The following MYO3B variants were observed in gnomAD, a reference collection of about 807,000 sequenced individuals.
MYO3B encodes myosin-IIIb.
A neutral mutation model predicts 174.6 loss-of-function variants in MYO3B; 156 were observed. The ratio of observed to expected loss-of-function variants is 0.89; its 90% confidence interval spans 0.78 to 1.02. MYO3B has a LOEUF of 1.02. Ranked by LOEUF, MYO3B falls within the 50% of genes least tolerant of loss-of-function variation. The pLI, the probability that MYO3B is intolerant of heterozygous loss-of-function variation, is 0.00. For missense variants in MYO3B, 1,632 were observed against 1,639.4 expected (o/e 1.00, Z 0.08); for synonymous variants, 563 against 569.1 (o/e 0.99, Z 0.15).
At chr2:170,530,689 G>A (rs1239327005) in intron 30 of MYO3B, among the ~76,000 whole-genome samples, 2 of 152,182 alleles carry the variant, frequency 1.3e-5, no homozygotes, top group Non-Finnish European at 2.9e-5. Flanking sequence ...GGGAGAGCAA[G>A]GATGTTATTC....
chr2:170,260,213 G>A (rs2093335150), intron 7 of MYO3B, among the ~76,000 whole-genome samples: 1 of 152,074 alleles, frequency 6.6e-6, no homozygotes, highest in Non-Finnish European at 1.5e-5. Context: ...CCCATTACTG[G>A]GTATATGCCC....
intron 6 of MYO3B, among the ~76,000 whole-genome samples, chr2:170,222,030 C>CGT (rs2092906647): frequency 6.6e-6 from 1 of 152,160 alleles, no homozygotes; most frequent in Non-Finnish European, 1.5e-5. Flanking sequence ...TTAAGTTTCT[C>CGT]GTATAATAAG....
intron 16 of MYO3B, among the ~76,000 whole-genome samples, chr2:170,399,269 G>C (rs59295288): frequency 1.9e-5 from 1 of 53,144 alleles, no homozygotes; most frequent in Non-Finnish European, 4.0e-5. Flanking sequence ...AAAAAAAAGA[G>C]AGAGACCAGT....
At chr2:170,623,824 A>G (rs1439573613) in intron 32 of MYO3B, among the ~76,000 whole-genome samples, 1 of 152,242 alleles carries the variant, frequency 6.6e-6, no homozygotes, top group Non-Finnish European at 1.5e-5. Flanking sequence ...CATTTGTTAA[A>G]TAGGGAATCC....
At chr2:170,573,227 GTATA>G (rs34137139) in intron 32 of MYO3B, among the ~76,000 whole-genome samples, 4,035 of 46,410 alleles carry the variant, frequency 0.087, 452 homozygotes, top group East Asian at 0.45. Flanking sequence ...TATACTGTGT[GTATA>G]TATATATATA....
At chr2:170,274,042 G>A (rs1203543668) in intron 7 of MYO3B, among the ~76,000 whole-genome samples, 1 of 152,004 alleles carries the variant, frequency 6.6e-6, no homozygotes, top group Non-Finnish European at 1.5e-5. Flanking sequence ...GTTTGGGCTG[G>A]TCTGGCCATA....
rs201819966 is a variant in MYO3B at position 170,501,806 on chromosome 2, G to A, written c.3311G>A (p.Arg1104Gln). The A allele has an allele frequency of 2.5e-5, 41 of 1,611,906 alleles. No homozygotes were observed. Among genetic ancestry groups the A allele is most frequent in the Non-Finnish European group, 3.0e-5 (35 of 1,178,278 alleles). Reference sequence around the variant, plus strand: ...TTAGCCTGGAGAGGATATGATGCTCGGAGGAAATTTAAGAAAATAAGCAAC... The same window carrying A: ...TTAGCCTGGAGAGGATATGATGCTCAGAGGAAATTTAAGAAAATAAGCAAC... ...IQSAWRGYDA[R>Q]RKFKKISNRR... Residue 1104 changes from arginine to glutamine, a missense_variant, in exon 28 of 35, where the codon CGG becomes CAG. By Grantham distance (43) the Arg-to-Gln change is conservative (BLOSUM62 1). Transcript: ENST00000408978.
chr2:170,286,230 G>T (rs1468625719), intron 7 of MYO3B, among the ~76,000 whole-genome samples: 1 of 152,184 alleles, frequency 6.6e-6, no homozygotes, highest in African/African-American at 2.4e-5. Flanking sequence ...GAAATGGACA[G>T]GTTTCTCCGT....
chr2:170,213,348 G>C (rs532700808), intron 3 of MYO3B, among the ~76,000 whole-genome samples: 2 of 152,290 alleles, frequency 1.3e-5, no homozygotes, highest in South Asian at 4.1e-4. Flanking sequence ...TGAGAGAGTC[G>C]TGATCGATTG....
At chr2:170,428,696 C>G (rs999772424) in intron 22 of MYO3B, among the ~76,000 whole-genome samples, 2 of 150,804 alleles carry the variant, frequency 1.3e-5, no homozygotes, top group African/African-American at 4.9e-5. Context: ...TTTCAGAGAA[C>G]AGTCCACCCC....
intron 32 of MYO3B, among the ~76,000 whole-genome samples, chr2:170,603,215 C>T (rs1230433039): frequency 6.6e-6 from 1 of 152,122 alleles, no homozygotes; most frequent in Admixed American, 6.5e-5. Flanking sequence ...GAATACGTTA[C>T]TTAGGTCCAT....
At chr2:170,616,107 C>G (rs1695448953) in intron 32 of MYO3B, among the ~76,000 whole-genome samples, 1 of 152,156 alleles carries the variant, frequency 6.6e-6, no homozygotes, top group Non-Finnish European at 1.5e-5. Flanking sequence ...ACAATTGCAA[C>G]AAAAGCTGGT....
At chr2:170,380,834 G>A in intron 9 of MYO3B, among the ~76,000 whole-genome samples, 1 of 152,196 alleles carries the variant, frequency 6.6e-6, no homozygotes, top group East Asian at 1.9e-4. Flanking sequence ...GGACTGAGTA[G>A]GCCGGGTGCA....
chr2:170,476,896 G>C (rs1020816649), intron 25 of MYO3B, among the ~76,000 whole-genome samples: 2 of 151,994 alleles, frequency 1.3e-5, no homozygotes, highest in Non-Finnish European at 2.9e-5. Flanking sequence ...GGGGGTTAAT[G>C]GCCCAGGGAT....
chr2:170,526,082 T>C (rs1688981134), intron 30 of MYO3B, among the ~76,000 whole-genome samples: 1 of 152,170 alleles, frequency 6.6e-6, no homozygotes, highest in Non-Finnish European at 1.5e-5. Flanking sequence ...CTGTATGTAT[T>C]GTCTCATTTG....
chr2:170,250,606 A>G (rs1279606700), intron 7 of MYO3B, among the ~76,000 whole-genome samples: 1 of 152,184 alleles, frequency 6.6e-6, no homozygotes, highest in African/African-American at 2.4e-5. Context: ...TTAAGTGTTA[A>G]CCAGCTCAGT....
chr2:170,544,142 G>GTC (rs758849879), intron 32 of MYO3B, among the ~76,000 whole-genome samples, 154 bp downstream of exon 32: 9 of 152,238 alleles, frequency 5.9e-5, no homozygotes, highest in Non-Finnish European at 1.2e-4. Flanking sequence ...TGTAAAACTT[G>GTC]TATTAAAGGT....
intron 1 of MYO3B, 141 bp from the exon 2 acceptor site, chr2:170,199,066 CA>C (rs1461911639): frequency 6.9e-6 from 4 of 579,316 alleles, no homozygotes; most frequent in Middle Eastern, 4.9e-4. Flanking sequence ...AGTTCTTTTT[CA>C]AAAAATTTAT....
At chr2:170,229,609 A>G (rs10211441) in intron 6 of MYO3B, among the ~76,000 whole-genome samples, 5,144 of 152,286 alleles carry the variant, frequency 0.034, 316 homozygotes, top group African/African-American at 0.12. Flanking sequence ...TTTGCTTGAA[A>G]ACATTGCTTA....
Sources: gnomAD v4.1 joint callset for allele counts (sites outside exome capture counted in the v4.1 genomes callset) on GRCh38, gnomAD v4.1.1 for gene constraint, MANE v1.5 for transcripts, NCBI Gene and HGNC (gene_info 2026-07-23, HGNC 2026-07-21) for gene names.